Variants in AHCYL1 observed in about 807,000 individuals in gnomAD.
AHCYL1 encodes S-adenosylhomocysteine hydrolase-like protein 1.
AHCYL1 carries 20 observed loss-of-function variants against 79.3 expected under a neutral mutation model. The ratio of observed to expected loss-of-function variants is 0.25; its 90% CI spans 0.18 to 0.37. AHCYL1 has a LOEUF of 0.37. AHCYL1 is among the 10% of genes least tolerant of loss of function. The pLI, the probability that AHCYL1 is intolerant of heterozygous loss-of-function variation, is 1.00. For synonymous variants in AHCYL1, 223 were observed against 242.2 expected (o/e 0.92, Z 0.74); for missense variants, 330 against 673.6 (o/e 0.49, Z 5.65).
chr1:109,993,468 A>G (rs191555014), intron 1 of AHCYL1, among the ~76,000 whole-genome samples: 2 of 152,358 alleles, frequency 1.3e-5, no homozygotes, highest in East Asian at 3.9e-4. Flanking sequence ...ATTGAATAAA[A>G]TAATGTGAGA....
intron 16 of AHCYL1, among the ~76,000 whole-genome samples, chr1:110,021,078 C>T (rs760372256): frequency 6.6e-6 from 1 of 152,112 alleles, no homozygotes; most frequent in African/African-American, 2.4e-5. Flanking sequence ...GCCAACATGG[C>T]GAAACCCTAT....
intron 15 of AHCYL1, among the ~76,000 whole-genome samples, chr1:110,020,282 T>G (rs575397049): frequency 9.2e-5 from 14 of 152,350 alleles, no homozygotes; most frequent in Non-Finnish European, 1.5e-4. Context: ...TTCATGATCC[T>G]AAGATCCATG....
At chr1:109,999,157 A>T (rs115617160) in intron 1 of AHCYL1, among the ~76,000 whole-genome samples, 1,653 of 138,196 alleles carry the variant, frequency 0.012, 14 homozygotes, top group South Asian at 0.045. Context: ...CTGTCTCTTT[A>T]AAAAAAAAAA....
intron 1 of AHCYL1, among the ~76,000 whole-genome samples, chr1:109,994,592 T>A (rs1353028813): frequency 6.6e-6 from 1 of 152,178 alleles, no homozygotes; most frequent in East Asian, 1.9e-4. Context: ...CCCGGCAAAT[T>A]TTGCTATTTT....
chr1:110,016,235 TG>T, intron 7 of AHCYL1, 108 bp from the exon 8 acceptor site: 1 of 687,806 alleles, frequency 1.5e-6, no homozygotes, highest in Non-Finnish European at 2.5e-6. Context: ...TAAATGAGAC[TG>T]GGAAGGGCAG....
At chr1:109,985,859 G>C (rs980546814) in intron 1 of AHCYL1, among the ~76,000 whole-genome samples, 4 of 152,152 alleles carry the variant, frequency 2.6e-5, no homozygotes, top group African/African-American at 9.7e-5. Context: ...GAGCTTGGGT[G>C]GGTTGGAGTA....
intron 1 of AHCYL1, among the ~76,000 whole-genome samples, chr1:110,004,886 T>G (rs547497644): frequency 6.6e-6 from 1 of 152,276 alleles, no homozygotes; most frequent in African/African-American, 2.4e-5. Flanking sequence ...AGAAAATATG[T>G]GTGAAAAAGG....
At chr1:109,989,478 C>T (rs931734925) in intron 1 of AHCYL1, among the ~76,000 whole-genome samples, 6 of 152,148 alleles carry the variant, frequency 3.9e-5, no homozygotes, top group South Asian at 2.1e-4. Context: ...CTCAGCCTCC[C>T]GAAGTGCTGG....
At chr1:109,993,111 A>T (rs573197949) in intron 1 of AHCYL1, among the ~76,000 whole-genome samples, 1 of 152,250 alleles carries the variant, frequency 6.6e-6, no homozygotes, top group South Asian at 2.1e-4. Flanking sequence ...TCGAACCGGC[A>T]TTTCGGCCAC....
intron 1 of AHCYL1, among the ~76,000 whole-genome samples, chr1:110,001,356 T>C (rs1650302996): frequency 6.6e-6 from 1 of 152,096 alleles, no homozygotes; most frequent in Non-Finnish European, 1.5e-5. Flanking sequence ...CCGGCTAATT[T>C]TTGTAATTTT....
intron 1 of AHCYL1, among the ~76,000 whole-genome samples, chr1:109,994,918 G>A (rs1649947817): frequency 6.6e-6 from 1 of 152,206 alleles, no homozygotes; most frequent in Non-Finnish European, 1.5e-5. Flanking sequence ...GTTTGTAACA[G>A]AAAAGAGACC....
intron 1 of AHCYL1, chr1:109,985,452 C>T: frequency 2.6e-6 from 3 of 1,138,938 alleles, no homozygotes; most frequent in South Asian, 2.5e-5. Context: ...GGATGAAGGG[C>T]CTCGAAGACG....
At chr1:110,001,253 C>A (rs1355401198) in intron 1 of AHCYL1, among the ~76,000 whole-genome samples, 4 of 151,464 alleles carry the variant, frequency 2.6e-5, no homozygotes, top group Non-Finnish European at 4.4e-5. Context: ...GTGGCATGAT[C>A]TCAGCTCACT....
At chr1:110,007,894 T>G (rs1239559281) in intron 1 of AHCYL1, among the ~76,000 whole-genome samples, 2 of 152,208 alleles carry the variant, frequency 1.3e-5, no homozygotes, top group Non-Finnish European at 2.9e-5. Flanking sequence ...GTAATAAAAG[T>G]GTTACACACT....
chr1:110,018,232 C>T (rs1266814926), intron 11 of AHCYL1, 141 bp from the exon 12 acceptor site: 8 of 900,452 alleles, frequency 8.9e-6, no homozygotes, highest in Admixed American at 2.4e-5. Context: ...GCCTAAGGAG[C>T]GGTTATGCAT....
chr1:110,011,496 C>A, intron 3 of AHCYL1, 139 bp downstream of exon 3: 2 of 1,172,804 alleles, frequency 1.7e-6, no homozygotes, highest in Non-Finnish European at 1.2e-6. Flanking sequence ...CGGATAAACA[C>A]TTCTCTCTCT....
chr1:109,994,558 G>T (rs569109430), intron 1 of AHCYL1, among the ~76,000 whole-genome samples: 1 of 152,280 alleles, frequency 6.6e-6, no homozygotes, highest in African/African-American at 2.4e-5. Context: ...CAAAGTGTTG[G>T]GATTACAGGC....
intron 6 of AHCYL1, among the ~76,000 whole-genome samples, chr1:110,015,124 C>T (rs569776986): frequency 4.6e-5 from 7 of 152,260 alleles, no homozygotes; most frequent in African/African-American, 1.7e-4. Flanking sequence ...TCTTTCCTTC[C>T]TGCCCCAGTT....
intron 16 of AHCYL1, 50 bp from the exon 17 acceptor site, chr1:110,021,624 T>A (rs769961738): frequency 2.6e-5 from 41 of 1,595,636 alleles, no homozygotes; most frequent in Non-Finnish European, 3.4e-5. Context: ...TTTTTTGGAA[T>A]TCTCATATGG....
Sources: allele counts gnomAD v4.1 joint callset (sites outside exome capture counted in the v4.1 genomes callset), GRCh38; gene constraint gnomAD v4.1.1; transcripts MANE v1.5; gene names NCBI Gene and HGNC (gene_info 2026-07-23, HGNC 2026-07-21).